The following PELI1 variants were observed in gnomAD, a reference collection of about 807,000 sequenced individuals.
PELI1 encodes pellino E3 ubiquitin protein ligase 1.
In PELI1, 15 loss-of-function variants were observed where a neutral mutation model predicts 41.3. The observed-to-expected ratio is 0.36, with a 90% CI of 0.24 to 0.56. The LOEUF (loss-of-function observed/expected upper bound fraction) is 0.56, where lower values mean the gene tolerates loss of function less well. Ranked by LOEUF, PELI1 falls within the 20% of genes least tolerant of loss-of-function variation. The probability of loss-of-function intolerance (pLI) is 0.82; values close to 1 mark genes in which losing one functional copy is unlikely to be tolerated. For synonymous variants in PELI1, 178 were observed against 180.1 expected (o/e 0.99, Z 0.09); for missense variants, 403 against 525.5 (o/e 0.77, Z 2.28).
chr2:64,138,917 G>C (rs1681805815), intron 1 of PELI1, among the ~76,000 whole-genome samples: 1 of 152,060 alleles, frequency 6.6e-6, no homozygotes, highest in Non-Finnish European at 1.5e-5. Flanking sequence ...TATCCATATA[G>C]CATCTACCTT....
At chr2:64,106,702 A>G (rs1264872130) in intron 2 of PELI1, among the ~76,000 whole-genome samples, 1 of 152,186 alleles carries the variant, frequency 6.6e-6, no homozygotes, top group Non-Finnish European at 1.5e-5. Flanking sequence ...TGACTTGCCC[A>G]AGGTCACACA....
Position 64,095,023 on chromosome 2 carries a change from G to A in PELI1, c.936C>T (p.Gly312=). 2.5e-6 allele frequency: 4 copies of A among 1,614,100 alleles called. No individual in the cohort carries two copies. Among genetic ancestry groups the A allele is most frequent in the Non-Finnish European group, 3.4e-6 (4 of 1,179,982 alleles). Residue 312 remains glycine, a synonymous_variant, in exon 7 of 7, where the codon GGC becomes GGT. Transcript: ENST00000358912. ...EKQPWVYLNC[G]HVHGYHNWGN... ...CCCAGTTATGATAGCCATGTACATG[G>A]CCGCAGTTTAGATATACCCATGGTT...
rs1680164239 is a variant in PELI1 at position 64,094,623 on chromosome 2, G to T, written c.*79C>A. Reference sequence around the variant, plus strand: ...TGCAAATGACCAGAGCAGAAAAACTGTGACGTGGACAACAGGTTCGAAAAC... The same window carrying T: ...TGCAAATGACCAGAGCAGAAAAACTTTGACGTGGACAACAGGTTCGAAAAC... On this transcript the variant is annotated 3_prime_UTR_variant, in exon 7 of 7. Coordinates refer to ENST00000358912, the MANE Select transcript of PELI1 (RefSeq NM_020651.4). 2.2e-6 allele frequency: 2 copies of T among 921,456 alleles called. No homozygotes were observed. Among genetic ancestry groups the T allele is most frequent in the East Asian group, 5.0e-5 (2 of 40,018 alleles). The allele number at this position is 921,456 out of a possible 1,614,324, so 57.1% of individuals were successfully genotyped here. A position where few individuals can be genotyped will look rare whatever the true frequency, so the allele number is the denominator to read the frequency against.
intron 1 of PELI1, among the ~76,000 whole-genome samples, chr2:64,124,268 G>C (rs1468235252): frequency 1.3e-5 from 2 of 149,684 alleles, no homozygotes; most frequent in Admixed American, 1.3e-4. Flanking sequence ...AACCACTGAA[G>C]TGTACACTTT....
At chr2:64,118,657 C>T (rs549643520) in intron 1 of PELI1, among the ~76,000 whole-genome samples, 8 of 152,154 alleles carry the variant, frequency 5.3e-5, no homozygotes, top group Non-Finnish European at 1.2e-4. Context: ...GAAGAACAAA[C>T]AGAATATTCA....
At chr2:64,115,412 C>G (rs1680960195) in intron 1 of PELI1, among the ~76,000 whole-genome samples, 1 of 152,168 alleles carries the variant, frequency 6.6e-6, no homozygotes, top group Non-Finnish European at 1.5e-5. Flanking sequence ...CTATCTTGAA[C>G]TTGCATAGAA....
intron 1 of PELI1, among the ~76,000 whole-genome samples, chr2:64,112,929 A>C (rs1470841872): frequency 1.3e-5 from 2 of 151,902 alleles, no homozygotes; most frequent in Admixed American, 6.6e-5. Flanking sequence ...TTTCCTACTC[A>C]CTGTCTTTAT....
intron 2 of PELI1, among the ~76,000 whole-genome samples, chr2:64,107,537 A>G (rs905021384): frequency 6.6e-6 from 1 of 152,248 alleles, no homozygotes; most frequent in Admixed American, 6.5e-5. Context: ...GCAAAAGAAT[A>G]AATGAAGACT....
intron 1 of PELI1, among the ~76,000 whole-genome samples, chr2:64,114,455 T>C (rs901220162): frequency 6.6e-6 from 1 of 152,244 alleles, no homozygotes; most frequent in African/African-American, 2.4e-5. Context: ...TACTACTTTC[T>C]GCTAGTGTCT....
In PELI1 at chr2:64,095,220, AG is replaced by A; in HGVS notation, c.738del (p.Cys247ValfsTer19). ...NQLQDGSLID[L>X]CGATLLWRTA... Reference sequence around the variant, plus strand: ...GTACGCCATAACAATGTTGCACCACAGAGGTCAATTAACGAGCCATCTTGTA... The same window carrying A: ...GTACGCCATAACAATGTTGCACCACAAGGTCAATTAACGAGCCATCTTGTA... On this transcript the variant is annotated frameshift_variant, in exon 7 of 7. Transcript: ENST00000358912. LOFTEE classifies it high-confidence loss of function. 6.2e-7 allele frequency: 1 copy of A among 1,614,162 alleles called. No homozygotes were observed. The highest frequency in any genetic ancestry group is 8.5e-7 in the Non-Finnish European group (1 of 1,180,010).
rs553816405 is a variant in PELI1, at chr2:64,112,118, A to G, written c.-69-3739T>C. Among the ~76,000 whole-genome samples, 4 of 152,060 alleles carry G rather than the reference A, an allele frequency of 2.6e-5. No individual in the cohort carries two copies. The East Asian group carries it at 5.8e-4, about 22-fold the overall frequency. On this transcript the variant is annotated intron_variant, in intron 1 of 6. Transcript: ENST00000358912. ...TTTCCTTTAAAATAAGCTTATTTAAAGGAGTCAATTTAAATTGTATTAAAT... is the reference window on the plus strand; with the variant it reads ...TTTCCTTTAAAATAAGCTTATTTAAGGGAGTCAATTTAAATTGTATTAAAT...
At position 64,112,923 on chromosome 2, in the gene PELI1, C is replaced by G. The variant is rs368790252; in HGVS notation, c.-69-4544G>C. Among the ~76,000 whole-genome samples, 9 of 152,066 alleles carry G rather than the reference C, an allele frequency of 5.9e-5. No individual in the cohort carries two copies. In the East Asian group the frequency reaches 9.7e-4, roughly 16 times the overall value. ...AGACCAGTACCTAGACAATGCTTTC[C>G]TACTCACTGTCTTTATATATTCTCT... On this transcript the variant is annotated intron_variant, in intron 1 of 6. Transcript: ENST00000358912.
intron 1 of PELI1, among the ~76,000 whole-genome samples, chr2:64,109,721 TAATC>T (rs1680743096): frequency 1.3e-5 from 2 of 151,962 alleles, no homozygotes; most frequent in South Asian, 4.1e-4. Context: ...ATGCAAAAGA[TAATC>T]AATAGGTGCC....
intron 1 of PELI1, among the ~76,000 whole-genome samples, chr2:64,125,885 A>G (rs1207230725): frequency 6.6e-6 from 1 of 152,240 alleles, no homozygotes; most frequent in Non-Finnish European, 1.5e-5. Context: ...CAAAATTAAT[A>G]AAAATATTGT....
At chr2:64,117,511 C>T (rs754686576) in intron 1 of PELI1, among the ~76,000 whole-genome samples, 11 of 152,130 alleles carry the variant, frequency 7.2e-5, no homozygotes, top group Non-Finnish European at 1.5e-5. Context: ...AGCATATATT[C>T]TCTGCTCTTT....
intron 1 of PELI1, among the ~76,000 whole-genome samples, chr2:64,127,873 C>G (rs185551601): frequency 1.3e-5 from 2 of 151,948 alleles, no homozygotes; most frequent in East Asian, 3.9e-4. Flanking sequence ...TTCCTTTTTT[C>G]AAATCAACTC....
At chr2:64,106,477 T>C (rs2103686714) in intron 2 of PELI1, among the ~76,000 whole-genome samples, 1 of 152,316 alleles carries the variant, frequency 6.6e-6, no homozygotes, top group South Asian at 2.1e-4. Flanking sequence ...GCTAGAAGAA[T>C]TTAATCTGGA....
chr2:64,138,315 T>C (rs904231585), intron 1 of PELI1, among the ~76,000 whole-genome samples: 10 of 152,202 alleles, frequency 6.6e-5, no homozygotes, highest in Non-Finnish European at 1.2e-4. Flanking sequence ...CTATTCCCTC[T>C]GTGTATAATG....
intron 1 of PELI1, among the ~76,000 whole-genome samples, chr2:64,125,613 T>G (rs1386947434): frequency 6.6e-6 from 1 of 152,224 alleles, no homozygotes; most frequent in Non-Finnish European, 1.5e-5. Context: ...TACCCAATGT[T>G]TTAATTAATT....
Sources: gnomAD v4.1 joint callset for allele counts (sites outside exome capture counted in the v4.1 genomes callset) on GRCh38, gnomAD v4.1.1 for gene constraint, MANE v1.5 for transcripts, NCBI Gene and HGNC (gene_info 2026-07-23, HGNC 2026-07-21) for gene names.